Variants in MICAL1 observed in about 807,000 individuals in gnomAD.
MICAL1 encodes the protein [F-actin]-monooxygenase MICAL1.
Under a neutral mutation model 131.8 loss-of-function variants are expected in MICAL1, and 95 were observed. The observed-to-expected ratio is 0.72, with a 90% CI of 0.61 to 0.86. The LOEUF (loss-of-function observed/expected upper bound fraction) is 0.86. MICAL1 is among the 40% of genes least tolerant of loss of function. The probability of loss-of-function intolerance (pLI) is 0.00; values close to 1 mark genes in which losing one functional copy is unlikely to be tolerated. For missense variants in MICAL1, 1,292 were observed against 1,380.6 expected (o/e 0.94, Z 1.02); for synonymous variants, 546 against 554.2 (o/e 0.99, Z 0.21).
At chr6:109,445,695 G>A (rs888456612) in intron 20 of MICAL1, 76 bp downstream of exon 20, 2 of 1,535,952 alleles carry the variant, frequency 1.3e-6, no homozygotes, top group Non-Finnish European at 1.8e-6. Flanking sequence ...TCCAAGAGAA[G>A]GGTGCAGTGG....
At chr6:109,457,575 A>T (rs1775787574), upstream of MICAL1, among the ~76,000 whole-genome samples, 1 of 151,974 alleles carries the variant, frequency 6.6e-6, no homozygotes, top group Admixed American at 6.6e-5. Context: ...AGAGATCCCG[A>T]GACAGTCCCT....
Position 109,448,836 on chromosome 6 carries a change from C to G in MICAL1, c.1560G>C (p.Glu520Asp), listed in dbSNP as rs774150222. ...GGACTCCCGGGTACCCAGCTGTCTG[C>G]TCCTGGCACCAGCGTAGCAGCTCCT... ...TQEELLRWCQ[E>D]QTAGYPGVHV... Residue 520 changes from glutamate to aspartate, a missense_variant, in exon 12 of 25, where the codon GAG becomes GAC. Transcript: ENST00000358807. 6.2e-7 allele frequency: 1 copy of G among 1,613,902 alleles called. No individual in the cohort carries two copies. Among genetic ancestry groups the G allele is most frequent in the Non-Finnish European group, 8.5e-7 (1 of 1,180,018 alleles).
chr6:109,449,862 CT>C, intron 9 of MICAL1, 79 bp from the exon 10 acceptor site: 1 of 1,583,210 alleles, frequency 6.3e-7, no homozygotes, highest in African/African-American at 1.3e-5. Context: ...ACTGCCAGGC[CT>C]TTTCTTCTGC....
At position 109,450,386 on chromosome 6, in the gene MICAL1, T is replaced by C; in HGVS notation, c.1105A>G (p.Met369Val). 3.7e-6 allele frequency: 6 copies of C among 1,613,462 alleles called. No individual in the cohort carries two copies. The highest frequency in any genetic ancestry group is 5.1e-6 in the Non-Finnish European group (6 of 1,179,832). ...PDVSAFDFTS[M>V]MRAESSARVQ... The stretch of plus-strand genomic sequence containing the variant: ...CGAGCAGAACTCTCTGCCCGCATCA[T>C]GCTCGTGAAGTCAAAGGCAGAGACA... Residue 369 changes from methionine to valine, a missense_variant, in exon 8 of 25, where the codon ATG (methionine) becomes GTG (valine). Met to Val is a conservative substitution (Grantham distance 21). Transcript: ENST00000358807.
intron 15 of MICAL1, 33 bp from the exon 16 acceptor site, chr6:109,447,473 G>A: frequency 6.3e-7 from 1 of 1,595,590 alleles, no homozygotes; most frequent in Non-Finnish European, 8.6e-7. Flanking sequence ...AGGGAGGGTA[G>A]AGGGGCAGGG....
chr6:109,465,187 A>G (rs1776003386), intron 1 of MICAL1: 1 of 153,130 alleles, frequency 6.5e-6, no homozygotes, highest in South Asian at 2.1e-4. Context: ...AAGAAATCCT[A>G]TGCTTTTGGC....
In MICAL1 at chr6:109,449,385, G is replaced by C; in HGVS notation, c.1516+15C>G. 6.2e-7 allele frequency: 1 copy of C among 1,614,150 alleles called. No individual in the cohort carries two copies. Among genetic ancestry groups the C allele is most frequent in the Non-Finnish European group, 8.5e-7 (1 of 1,179,974 alleles). On this transcript the variant is annotated intron_variant, in intron 11 of 24. Transcript: ENST00000358807. ...TACATATTTTGGTCACCCCTTGGGA[G>C]GAAGGCCTGCTCACCGGTGGCTGGC... is the stretch of plus-strand genomic sequence containing the variant.
At chr6:109,456,435 A>G (rs181582957), upstream of MICAL1, among the ~76,000 whole-genome samples, 32 of 152,300 alleles carry the variant, frequency 2.1e-4, no homozygotes, top group East Asian at 6.2e-3. Flanking sequence ...CCGAGGGCAA[A>G]GGGCGCGGAT....
chr6:109,451,827 T>C (rs1582649748), intron 6 of MICAL1, 127 bp from the exon 7 acceptor site: 2 of 1,477,304 alleles, frequency 1.4e-6, no homozygotes, highest in African/African-American at 2.8e-5. Flanking sequence ...GCTCCACGCA[T>C]AGAACCCCAC....
exon 1 of MICAL1, chr6:109,465,692 A>G: frequency 6.2e-7 from 1 of 1,600,578 alleles, no homozygotes; most frequent in Non-Finnish European, 8.5e-7. Flanking sequence ...ACATCTTGCT[A>G]CCTGGATGGA....
At chr6:109,455,883 G>A (rs1332137883), upstream of MICAL1, 4 of 985,524 alleles carry the variant, frequency 4.1e-6, no homozygotes, top group East Asian at 4.5e-4. This position sits in a 1 kb window ranked among gnomAD's most constrained non-coding sequence, Gnocchi z 4.7. Context: ...GCGGAGTGTG[G>A]GCTTCCGCGA....
In MICAL1 at chr6:109,453,669, C is replaced by T. The variant is rs1185578953; in HGVS notation, c.435G>A (p.Gly145=). 1.9e-6 allele frequency: 3 copies of T among 1,612,594 alleles called. No homozygotes were observed. The African/African-American group carries it at 4.0e-5, about 22-fold the overall frequency. The stretch of plus-strand genomic sequence containing the variant: ...GGTCCAGGGTGCCGGTGCAGAAGCG[C>T]CCGTAGAACTTCTTAGCACCGAGTG... ...LRALGAKKFY[G]RFCTGTLDHI... is the part of the protein sequence containing the mutation. Residue 145 remains glycine, a synonymous_variant, in exon 3 of 25, where the codon GGG becomes GGA. Coordinates refer to ENST00000358807, the MANE Select transcript of MICAL1 (RefSeq NM_022765.4).
At chr6:109,446,114 C>T in intron 19 of MICAL1, 22 bp downstream of exon 19, 3 of 1,529,032 alleles carry the variant, frequency 2.0e-6, no homozygotes, top group Non-Finnish European at 2.6e-6. Context: ...CCTGGGTCAG[C>T]ACATCTGTGA....
Position 109,445,536 on chromosome 6 carries a change from G to A in MICAL1, c.2674-7C>T. Reference sequence around the variant, plus strand: ...TGGCAAAGGTCTGCAGGGCCTATAGGAGGGTCAGGCCAGTCAGGGATAGGG... The same window carrying A: ...TGGCAAAGGTCTGCAGGGCCTATAGAAGGGTCAGGCCAGTCAGGGATAGGG... On this transcript the variant is annotated splice_region_variant and splice_polypyrimidine_tract_variant and intron_variant, in intron 20 of 24. Coordinates refer to ENST00000358807, the MANE Select transcript of MICAL1 (RefSeq NM_022765.4). 1 of 1,613,962 alleles carries A rather than the reference G, an allele frequency of 6.2e-7. No homozygotes were observed.
exon 1 of MICAL1, chr6:109,465,788 C>A: frequency 6.2e-7 from 1 of 1,613,944 alleles, no homozygotes; most frequent in South Asian, 1.1e-5. Flanking sequence ...TTCAAGCGTT[C>A]AAAATCCAGT....
chr6:109,448,271 TCA>T lies in MICAL1; in HGVS notation c.1785_1786del (p.Ser595ArgfsTer41), dbSNP rs775634801. 3.7e-6 allele frequency: 6 copies of T among 1,613,772 alleles called. No individual in the cohort carries two copies. Among genetic ancestry groups the T allele is most frequent in the Non-Finnish European group, 5.1e-6 (6 of 1,179,964 alleles). On this transcript the variant is annotated frameshift_variant, in exon 13 of 25. Transcript: ENST00000358807. LOFTEE classifies it high-confidence loss of function. ...GAGGTAGGCAATGAGGCCCAGTGGG[TCA>T]CTCCCTGCTACCACGGCCTGTGCAG...
intron 11 of MICAL1, 118 bp from the exon 12 acceptor site, chr6:109,448,997 A>G: frequency 7.4e-7 from 1 of 1,352,344 alleles, no homozygotes; most frequent in African/African-American, 1.4e-5. Flanking sequence ...ACCCACCTCT[A>G]CTAGGGCACC....
intron 1 of MICAL1, among the ~76,000 whole-genome samples, chr6:109,462,262 AC>A (rs1696793598): frequency 6.6e-6 from 1 of 152,104 alleles, no homozygotes; most frequent in African/African-American, 2.4e-5. Flanking sequence ...GAAGAAACCA[AC>A]CCCACTGACA....
upstream of MICAL1, among the ~76,000 whole-genome samples, chr6:109,458,269 A>G (rs907284770): frequency 2.6e-5 from 4 of 152,230 alleles, no homozygotes; most frequent in African/African-American, 7.2e-5. Flanking sequence ...ATTGGATCAA[A>G]TAAGTGGGTG....
Sources: allele counts gnomAD v4.1 joint callset (sites outside exome capture counted in the v4.1 genomes callset), GRCh38; gene constraint gnomAD v4.1.1; non-coding constraint Gnocchi (gnomAD v3.1); transcripts MANE v1.5; gene names NCBI Gene and HGNC (gene_info 2026-07-23, HGNC 2026-07-21).